CTNNA2: variants seen among roughly 807,000 people sequenced by gnomAD.
The protein encoded by CTNNA2 is catenin alpha-2.
A neutral mutation model predicts 101.0 loss-of-function variants in CTNNA2; 42 were observed. That is an observed-to-expected ratio of 0.42 (90% CI 0.32 to 0.54). The LOEUF (loss-of-function observed/expected upper bound fraction) is 0.54. Among genes scored for constraint, CTNNA2 ranks in the 20% least tolerant of loss-of-function variants. The probability of loss-of-function intolerance (pLI) is 0.14; values close to 1 mark genes in which losing one functional copy is unlikely to be tolerated. For missense variants in CTNNA2, 871 were observed against 1,223.1 expected (o/e 0.71, Z 4.29); for synonymous variants, 450 against 456.4 (o/e 0.99, Z 0.18).
intron 7 of CTNNA2, among the ~76,000 whole-genome samples, chr2:79,974,195 G>C (rs1435513609): frequency 6.6e-6 from 1 of 152,014 alleles, no homozygotes; most frequent in Non-Finnish European, 1.5e-5. Context: ...ATTTCTTTTA[G>C]TCTCAGTTTA....
chr2:79,599,311 T>G (rs1035444545), intron 1 of CTNNA2, among the ~76,000 whole-genome samples: 1 of 152,196 alleles, frequency 6.6e-6, no homozygotes, highest in Admixed American at 6.5e-5. Flanking sequence ...AACACTGTAT[T>G]ATGATAATGA....
At chr2:79,278,551 A>G (rs554233977) in intron 2 of CTNNA2, among the ~76,000 whole-genome samples, 2 of 152,216 alleles carry the variant, frequency 1.3e-5, no homozygotes, top group South Asian at 4.1e-4. Flanking sequence ...GGCAATTTTG[A>G]AAATGTATTA....
intron 4 of CTNNA2, among the ~76,000 whole-genome samples, chr2:79,383,080 A>G (rs1044880645): frequency 5.9e-5 from 9 of 152,210 alleles, no homozygotes; most frequent in African/African-American, 1.4e-4. Context: ...TCTATTTTAA[A>G]AAGTTAGATA....
intron 3 of CTNNA2, among the ~76,000 whole-genome samples, chr2:79,794,298 G>T (rs751026981): frequency 1.3e-5 from 2 of 152,024 alleles, no homozygotes; most frequent in African/African-American, 2.4e-5. Context: ...AGTAATTGTG[G>T]TTTTTGCCAT....
At chr2:79,439,331 G>A (rs192367953) in intron 4 of CTNNA2, among the ~76,000 whole-genome samples, 1 of 152,280 alleles carries the variant, frequency 6.6e-6, no homozygotes, top group East Asian at 1.9e-4. Flanking sequence ...CTCCCATATT[G>A]TATGATTTCA....
At chr2:79,844,341 A>G (rs573582687) in intron 3 of CTNNA2, among the ~76,000 whole-genome samples, 1 of 152,328 alleles carries the variant, frequency 6.6e-6, no homozygotes, top group South Asian at 2.1e-4. Flanking sequence ...TCCCTGCTTT[A>G]TATTTTGATG....
At chr2:80,204,666 C>A (rs965677113) in intron 7 of CTNNA2, among the ~76,000 whole-genome samples, 4 of 152,118 alleles carry the variant, frequency 2.6e-5, no homozygotes, top group African/African-American at 9.7e-5. Context: ...TTCTTCTGAG[C>A]CCTCCAAACT....
intron 12 of CTNNA2, among the ~76,000 whole-genome samples, chr2:80,560,857 C>A (rs756071852): frequency 6.6e-6 from 1 of 152,078 alleles, no homozygotes; most frequent in African/African-American, 2.4e-5. Context: ...TCTATAGGTA[C>A]CCACAGCCTA....
chr2:80,496,541 A>G (rs1022297972), intron 9 of CTNNA2, among the ~76,000 whole-genome samples: 4 of 152,090 alleles, frequency 2.6e-5, no homozygotes, highest in African/African-American at 9.6e-5. Context: ...ATGACTTAGT[A>G]TGACTTAGGA....
intron 4 of CTNNA2, among the ~76,000 whole-genome samples, chr2:79,458,813 T>G (rs1670850406): frequency 6.6e-6 from 1 of 152,174 alleles, no homozygotes; most frequent in Admixed American, 6.5e-5. Flanking sequence ...ACCAATTTCT[T>G]TATTGCATTT....
At chr2:79,422,946 T>C (rs751856854) in intron 4 of CTNNA2, among the ~76,000 whole-genome samples, 8 of 152,196 alleles carry the variant, frequency 5.3e-5, no homozygotes, top group Admixed American at 2.0e-4. Flanking sequence ...TTTATGCTTA[T>C]GTTCTCATAG....
intron 4 of CTNNA2, among the ~76,000 whole-genome samples, chr2:79,477,491 C>T (rs62141409): frequency 0.017 from 2,563 of 152,172 alleles, 31 homozygotes; most frequent in Middle Eastern, 0.051. Flanking sequence ...TCTCTAACTC[C>T]CTTCTTTACC....
intron 1 of CTNNA2, chr2:79,523,336 A>G: frequency 2.6e-6 from 1 of 378,686 alleles, no homozygotes; most frequent in Non-Finnish European, 5.1e-6. Context: ...ATATACATAT[A>G]TATTTTTTTC....
chr2:79,300,859 T>G (rs142739276), intron 2 of CTNNA2, among the ~76,000 whole-genome samples: 298 of 152,286 alleles, frequency 2.0e-3, no homozygotes, highest in African/African-American at 7.0e-3. Flanking sequence ...GCTAAAATCA[T>G]TTGGTGACTC....
intron 4 of CTNNA2, among the ~76,000 whole-genome samples, chr2:79,374,969 G>T (rs1677950377): frequency 6.6e-6 from 1 of 152,086 alleles, no homozygotes; most frequent in African/African-American, 2.4e-5. Flanking sequence ...AGAGAGTGAG[G>T]GATGGAGCTT....
At chr2:80,041,890 A>C (rs557885739) in intron 7 of CTNNA2, among the ~76,000 whole-genome samples, 1 of 152,266 alleles carries the variant, frequency 6.6e-6, no homozygotes, top group African/African-American at 2.4e-5. Context: ...AAAGCCATTT[A>C]TAGGTTCTCT....
chr2:80,413,263 G>C (rs1019498335), intron 8 of CTNNA2, among the ~76,000 whole-genome samples: 6 of 152,094 alleles, frequency 3.9e-5, no homozygotes, highest in Non-Finnish European at 8.8e-5. Flanking sequence ...GAATGAGATG[G>C]GTAGGGAAAA....
At chr2:79,695,023 CA>C (rs954625429) in intron 2 of CTNNA2, among the ~76,000 whole-genome samples, 2 of 129,836 alleles carry the variant, frequency 1.5e-5, no homozygotes, top group Non-Finnish European at 3.2e-5. Flanking sequence ...CCAAGCCTTA[CA>C]TTTTTTTTTT....
At chr2:79,707,233 T>G (rs1427544036) in intron 2 of CTNNA2, among the ~76,000 whole-genome samples, 1 of 152,128 alleles carries the variant, frequency 6.6e-6, no homozygotes, top group East Asian at 1.9e-4. Context: ...TACCCCCTCC[T>G]ACTAAATGCC....
Sources: gnomAD v4.1 joint callset for allele counts (sites outside exome capture counted in the v4.1 genomes callset) on GRCh38, gnomAD v4.1.1 for gene constraint, MANE v1.5 for transcripts, NCBI Gene and HGNC (gene_info 2026-07-23, HGNC 2026-07-21) for gene names.